Variants in GPC6 observed in about 807,000 individuals in gnomAD.
GPC6 encodes glypican 6.
In GPC6, 14 loss-of-function variants were observed where a neutral mutation model predicts 55.2. That is an observed-to-expected ratio of 0.25 (90% CI 0.17 to 0.40). GPC6 has a LOEUF of 0.40. Among genes scored for constraint, GPC6 ranks in the 10% least tolerant of loss-of-function variants. The pLI is 1.00. For missense variants in GPC6, 641 were observed against 708.5 expected (o/e 0.90, Z 1.08); for synonymous variants, 278 against 259.6 (o/e 1.07, Z -0.68).
chr13:94,183,157 A>G (rs1478878184), intron 4 of GPC6, among the ~76,000 whole-genome samples: 2 of 152,178 alleles, frequency 1.3e-5, no homozygotes, highest in African/African-American at 2.4e-5. Context: ...ATCTGTTCCA[A>G]AATGTTTCAT....
At chr13:93,263,822 TAAA>T (rs1260484968) in intron 1 of GPC6, among the ~76,000 whole-genome samples, 1 of 152,238 alleles carries the variant, frequency 6.6e-6, no homozygotes, top group Non-Finnish European at 1.5e-5. Flanking sequence ...AATGTATCTC[TAAA>T]AGAAATTCCT....
chr13:94,016,937 C>T (rs947578123), intron 3 of GPC6, among the ~76,000 whole-genome samples: 4 of 151,742 alleles, frequency 2.6e-5, no homozygotes, highest in African/African-American at 4.8e-5. Context: ...TGGGTTCAAA[C>T]GATTCTCCTC....
intron 4 of GPC6, among the ~76,000 whole-genome samples, chr13:94,079,771 T>G (rs1427680829): frequency 6.6e-6 from 1 of 152,232 alleles, no homozygotes; most frequent in Non-Finnish European, 1.5e-5. Flanking sequence ...CACATTGCTG[T>G]GCAATTATTT....
At chr13:93,317,450 C>A (rs141410081) in intron 1 of GPC6, among the ~76,000 whole-genome samples, 1 of 152,200 alleles carries the variant, frequency 6.6e-6, no homozygotes, top group African/African-American at 2.4e-5. Context: ...GTTGGATAAC[C>A]AGGCGCCTCT....
At chr13:93,700,500 A>G (rs1236228406) in intron 2 of GPC6, among the ~76,000 whole-genome samples, 2 of 152,116 alleles carry the variant, frequency 1.3e-5, no homozygotes, top group East Asian at 3.9e-4. Flanking sequence ...TGGGCTGCCT[A>G]AAAGGGGGCC....
Position 93,670,854 on chromosome 13 carries a change from A to G in GPC6, c.319+125433A>G, listed in dbSNP as rs568153806. Among the ~76,000 whole-genome samples, 61 of 152,296 alleles carry G rather than the reference A, an allele frequency of 4.0e-4. 1 individual carries two copies. The highest frequency in any genetic ancestry group is 1.4e-3 in the African/African-American group (57 of 41,558). The stretch of plus-strand genomic sequence containing the variant: ...GCAATTGTTTCTGGATGATTGTGAG[A>G]TCAATTTTTAAATGGCTTTATTTTT... On this transcript the variant is annotated intron_variant, in intron 2 of 8. Coordinates refer to ENST00000377047, the MANE Select transcript of GPC6 (RefSeq NM_005708.5).
intron 3 of GPC6, among the ~76,000 whole-genome samples, chr13:93,973,129 G>A (rs1880361915): frequency 6.6e-6 from 1 of 152,172 alleles, no homozygotes; most frequent in Non-Finnish European, 1.5e-5. Context: ...ACATCGTAGA[G>A]TGTATTTACA....
chr13:93,567,891 C>T (rs531313276), intron 2 of GPC6, among the ~76,000 whole-genome samples: 2 of 152,226 alleles, frequency 1.3e-5, no homozygotes, highest in South Asian at 4.1e-4. Context: ...TCACCATGGT[C>T]ATACATAGAC....
At chr13:94,000,709 AAGAT>A (rs1241238821) in intron 3 of GPC6, among the ~76,000 whole-genome samples, 3 of 152,212 alleles carry the variant, frequency 2.0e-5, no homozygotes, top group African/African-American at 7.2e-5. Context: ...TATTATAAAA[AAGAT>A]AGTCACCTTG....
At chr13:94,220,985 A>G (rs569606325) in intron 4 of GPC6, among the ~76,000 whole-genome samples, 87 of 152,226 alleles carry the variant, frequency 5.7e-4, no homozygotes, top group African/African-American at 2.0e-3. Context: ...TTATGGGCAC[A>G]TTTATAAGAA....
intron 2 of GPC6, among the ~76,000 whole-genome samples, chr13:93,613,523 C>G (rs1878577966): frequency 1.5e-5 from 2 of 132,240 alleles, no homozygotes; most frequent in Admixed American, 1.7e-4. Context: ...CACACACACA[C>G]ACACAAAACA....
At chr13:94,265,034 A>C (rs1042240410) in intron 4 of GPC6, among the ~76,000 whole-genome samples, 2 of 152,166 alleles carry the variant, frequency 1.3e-5, no homozygotes, top group African/African-American at 4.8e-5. Context: ...AACACGTGGG[A>C]ATTATGGGAG....
chr13:93,722,603 G>A (rs1269573431), intron 2 of GPC6, among the ~76,000 whole-genome samples: 2 of 151,796 alleles, frequency 1.3e-5, no homozygotes, highest in Admixed American at 1.3e-4. Flanking sequence ...CAGGAAAATT[G>A]TTACTTTGCT....
At chr13:93,568,028 G>A (rs1876222009) in intron 2 of GPC6, among the ~76,000 whole-genome samples, 1 of 152,154 alleles carries the variant, frequency 6.6e-6, no homozygotes, top group African/African-American at 2.4e-5. Context: ...CTATTTATAG[G>A]TGGTATGGTT....
chr13:93,388,560 TG>T, intron 1 of GPC6, among the ~76,000 whole-genome samples: 1 of 152,298 alleles, frequency 6.6e-6, no homozygotes, highest in East Asian at 1.9e-4. Context: ...CCAATTAAGC[TG>T]AATAGAGTAG....
At chr13:94,161,663 A>C (rs891951753) in intron 4 of GPC6, among the ~76,000 whole-genome samples, 3 of 152,198 alleles carry the variant, frequency 2.0e-5, no homozygotes, top group African/African-American at 7.2e-5. Flanking sequence ...CATTCATCAG[A>C]AAACAGCAGT....
intron 3 of GPC6, among the ~76,000 whole-genome samples, chr13:93,911,678 G>T (rs78782246): frequency 6.6e-6 from 1 of 152,136 alleles, no homozygotes; most frequent in Non-Finnish European, 1.5e-5. Context: ...TTTACTAACC[G>T]TTTGACCTTG....
intron 1 of GPC6, among the ~76,000 whole-genome samples, chr13:93,259,362 G>T (rs1490288650): frequency 1.3e-5 from 2 of 152,062 alleles, no homozygotes; most frequent in Non-Finnish European, 2.9e-5. Context: ...TATCTTAAAG[G>T]TACAAAAAGA....
At chr13:93,484,162 T>G (rs1261498478) in intron 1 of GPC6, among the ~76,000 whole-genome samples, 1 of 152,148 alleles carries the variant, frequency 6.6e-6, no homozygotes, top group African/African-American at 2.4e-5. Flanking sequence ...TAGCAACAGT[T>G]TTTTTGGGTT....
Sources: allele counts gnomAD v4.1 joint callset (sites outside exome capture counted in the v4.1 genomes callset), GRCh38; gene constraint gnomAD v4.1.1; transcripts MANE v1.5; gene names NCBI Gene and HGNC (gene_info 2026-07-23, HGNC 2026-07-21).